The following TNR variants were observed in gnomAD, a reference collection of about 807,000 sequenced individuals.
The protein encoded by TNR is tenascin R.
TNR carries 45 observed loss-of-function variants against 150.4 expected under a neutral mutation model. That is an observed-to-expected ratio of 0.30 (90% confidence interval 0.24 to 0.38). TNR has a LOEUF of 0.38. Ranked by LOEUF, TNR falls within the 10% of genes least tolerant of loss-of-function variation. The probability of loss-of-function intolerance (pLI) is 1.00; values close to 1 mark genes in which losing one functional copy is unlikely to be tolerated. For synonymous variants in TNR, 687 were observed against 678.4 expected, an observed-to-expected ratio of 1.01 and a Z score of -0.20; for missense variants, 1,544 against 1,759.1, an observed-to-expected ratio of 0.88 and a Z score of 2.19.
intron 1 of TNR, among the ~76,000 whole-genome samples, chr1:175,623,070 A>AT (rs1196209592): frequency 6.6e-6 from 1 of 152,190 alleles, no homozygotes; most frequent in East Asian, 1.9e-4. Context: ...TTCAACGTAC[A>AT]TTTTTTGGAA....
intron 9 of TNR, among the ~76,000 whole-genome samples, chr1:175,379,246 G>C (rs975311057): frequency 6.6e-6 from 1 of 151,414 alleles, no homozygotes; most frequent in South Asian, 2.1e-4. Flanking sequence ...ACAATGTGAG[G>C]GGGTTATTGC....
At chr1:175,341,626 C>A (rs1650527823) in intron 18 of TNR, among the ~76,000 whole-genome samples, 1 of 152,184 alleles carries the variant, frequency 6.6e-6, no homozygotes, top group African/African-American at 2.4e-5. Flanking sequence ...CTGCTCTTTA[C>A]TTGTTTTGGA....
At chr1:175,687,374 C>A (rs1666232104) in intron 1 of TNR, among the ~76,000 whole-genome samples, 1 of 152,178 alleles carries the variant, frequency 6.6e-6, no homozygotes, top group Admixed American at 6.5e-5. Flanking sequence ...CCTGCCTTTA[C>A]CCCTGCATTA....
At chr1:175,414,284 GA>G (rs138359481) in intron 2 of TNR, among the ~76,000 whole-genome samples, 13,764 of 145,428 alleles carry the variant, frequency 0.095, 768 homozygotes, top group South Asian at 0.17. Context: ...AGAGAAGGAA[GA>G]AAAAAAAAAG....
intron 1 of TNR, among the ~76,000 whole-genome samples, chr1:175,584,270 A>C (rs2102231210): frequency 6.6e-6 from 1 of 152,278 alleles, no homozygotes; most frequent in East Asian, 1.9e-4. Context: ...CAGAGGGAAG[A>C]TGATTTGATG....
intron 2 of TNR, among the ~76,000 whole-genome samples, chr1:175,496,456 G>T (rs1393907145): frequency 6.6e-6 from 1 of 152,168 alleles, no homozygotes; most frequent in Admixed American, 6.5e-5. Flanking sequence ...TGGTGACTCG[G>T]GGCTGCCATA....
intron 18 of TNR, among the ~76,000 whole-genome samples, chr1:175,346,337 C>T (rs1265064890): frequency 6.6e-6 from 1 of 152,026 alleles, no homozygotes; most frequent in African/African-American, 2.4e-5. Context: ...CTAGACAGAG[C>T]TTGTTTGTGG....
chr1:175,528,863 A>G (rs1044960480), intron 1 of TNR, among the ~76,000 whole-genome samples: 2 of 151,874 alleles, frequency 1.3e-5, no homozygotes, highest in African/African-American at 4.8e-5. Flanking sequence ...CTCACTCTGG[A>G]CTCCCAACTC....
chr1:175,470,235 T>C (rs899595979), intron 2 of TNR, among the ~76,000 whole-genome samples: 1 of 152,022 alleles, frequency 6.6e-6, no homozygotes, highest in Non-Finnish European at 1.5e-5. Context: ...AAGGTGACAG[T>C]TGGGCCTTGG....
At chr1:175,407,793 A>G (rs917197700) in intron 2 of TNR, among the ~76,000 whole-genome samples, 3 of 152,180 alleles carry the variant, frequency 2.0e-5, no homozygotes, top group African/African-American at 7.2e-5. Context: ...GAATAGCCCC[A>G]TCTTCTAATG....
rs1432466828 is a variant in TNR at position 175,709,302 on chromosome 1, CACACAT to C, written c.-165+33918_-165+33923del. Reference sequence around the variant, plus strand: ...GCTTCCTCCCTTGCTTTCACACACACACACATACACACACACACACACACACACACA... The same window carrying C: ...GCTTCCTCCCTTGCTTTCACACACACACACACACACACACACACACACACA... On this transcript the variant is annotated intron_variant, in intron 1 of 22. Transcript: ENST00000367674. Among the ~76,000 whole-genome samples, 940 of 139,394 alleles carry C rather than the reference CACACAT, an allele frequency of 6.7e-3. 12 individuals carry two copies. Among genetic ancestry groups the C allele is most frequent in the African/African-American group, 0.024 (780 of 32,212 alleles). 91.4% of individuals were successfully genotyped at this position (139,394 alleles called of 152,430 possible).
intron 2 of TNR, among the ~76,000 whole-genome samples, chr1:175,418,910 C>T (rs942422664): frequency 1.3e-5 from 2 of 152,136 alleles, no homozygotes; most frequent in South Asian, 4.1e-4. Flanking sequence ...CTTGTTGAGC[C>T]AGCAATGTTT....
chr1:175,498,828 T>G (rs1658598111), intron 2 of TNR, among the ~76,000 whole-genome samples: 1 of 152,234 alleles, frequency 6.6e-6, no homozygotes. Context: ...TCAATTACCA[T>G]GCAGCACATA....
chr1:175,331,080 T>TG (rs1553203471), intron 20 of TNR, among the ~76,000 whole-genome samples: 3 of 83,518 alleles, frequency 3.6e-5, no homozygotes, highest in Admixed American at 1.3e-4. Flanking sequence ...TTTCTTTCCT[T>TG]CTTTCTTTCT....
chr1:175,365,191 G>T lies in TNR; in HGVS notation c.2406C>A (p.Asp802Glu). Residue 802 changes from aspartate to glutamate, a missense_variant, in exon 12 of 23, where the codon GAC becomes GAA. By Grantham distance (45) the Asp-to-Glu change is conservative (BLOSUM62 2). Around this residue, in one of 2 missense-constraint regions of TNR, gnomAD observed 1,254 missense variants for 1,329.4 expected, o/e 0.94. Coordinates refer to ENST00000367674, the MANE Select transcript of TNR (RefSeq NM_003285.3). ...TGGGGCTGTAGTTAAGAATGAGTCT[G>T]TCTGCTGGGGGAGATGGATCACTCC... is the stretch of plus-strand genomic sequence containing the variant. ...ITWSDPSPPA[D>E]RLILNYSPRD... The T allele has an allele frequency of 6.2e-7, 1 of 1,614,102 alleles. No individual in the cohort carries two copies. The highest frequency in any genetic ancestry group is 8.5e-7 in the Non-Finnish European group (1 of 1,179,998).
intron 18 of TNR, among the ~76,000 whole-genome samples, chr1:175,338,657 C>T (rs1012068312): frequency 5.3e-5 from 8 of 152,194 alleles, no homozygotes; most frequent in South Asian, 2.1e-4. Context: ...GGGGAGGGAC[C>T]GCACGTGTCA....
intron 1 of TNR, among the ~76,000 whole-genome samples, chr1:175,730,871 C>G (rs1009526225): frequency 6.6e-6 from 1 of 152,072 alleles, no homozygotes; most frequent in Non-Finnish European, 1.5e-5. Context: ...CAGGCTTTGT[C>G]TTCTGTGGTT....
intron 1 of TNR, among the ~76,000 whole-genome samples, chr1:175,644,702 C>T (rs1482374951): frequency 6.6e-6 from 1 of 152,208 alleles, no homozygotes; most frequent in Non-Finnish European, 1.5e-5. Context: ...GGCATGGGGC[C>T]AGGCACACAG....
At chr1:175,401,413 G>T (rs949941834) in intron 4 of TNR, among the ~76,000 whole-genome samples, 1 of 152,068 alleles carries the variant, frequency 6.6e-6, no homozygotes, top group African/African-American at 2.4e-5. Flanking sequence ...TGTCAGCCTG[G>T]CTTCCCAGAA....
Sources: allele counts gnomAD v4.1 joint callset (sites outside exome capture counted in the v4.1 genomes callset), GRCh38; gene constraint gnomAD v4.1.1; regional missense constraint gnomAD v4.1.1; transcripts MANE v1.5; gene names NCBI Gene and HGNC (gene_info 2026-07-23, HGNC 2026-07-21).